The following CSMD1 variants were observed in gnomAD, a reference collection of about 807,000 sequenced individuals.
The protein encoded by CSMD1 is CUB and Sushi multiple domains 1.
In CSMD1, 213 loss-of-function variants were observed where a neutral mutation model predicts 417.5. The ratio of observed to expected loss-of-function variants is 0.51; its 90% CI spans 0.46 to 0.57. CSMD1 has a LOEUF of 0.57. CSMD1 is among the 20% of genes least tolerant of loss of function. The probability of loss-of-function intolerance (pLI) is 0.00; values close to 1 mark genes in which losing one functional copy is unlikely to be tolerated. For missense variants in CSMD1, 6,923 were observed against 4,529.7 expected, an observed-to-expected ratio of 1.53 and a Z score of -15.17; for synonymous variants, 2,862 against 1,736.8, an observed-to-expected ratio of 1.65 and a Z score of -16.11.
At chr8:4,021,779 T>G (rs1585147921) in intron 4 of CSMD1, among the ~76,000 whole-genome samples, 1 of 152,066 alleles carries the variant, frequency 6.6e-6, no homozygotes, top group Non-Finnish European at 1.5e-5. Context: ...GAGTGACAAA[T>G]GAAGAAGCCA....
intron 2 of CSMD1, among the ~76,000 whole-genome samples, chr8:4,467,941 TAACA>T (rs1198800407): frequency 6.6e-6 from 1 of 152,130 alleles, no homozygotes; most frequent in Admixed American, 6.5e-5. Context: ...ATTCCTGAAC[TAACA>T]AAGTAATATG....
At chr8:3,615,915 C>G (rs1180824100) in intron 8 of CSMD1, among the ~76,000 whole-genome samples, 2 of 152,056 alleles carry the variant, frequency 1.3e-5, no homozygotes, top group Non-Finnish European at 2.9e-5. Flanking sequence ...GTGCAAAAAT[C>G]TAAAGTAATA....
At chr8:3,371,021 C>G (rs1198029163) in intron 18 of CSMD1, among the ~76,000 whole-genome samples, 1 of 151,990 alleles carries the variant, frequency 6.6e-6, no homozygotes, top group Non-Finnish European at 1.5e-5. Flanking sequence ...TTTTCTTGAG[C>G]TGGGACATCC....
At chr8:3,830,908 C>T (rs946460767) in intron 5 of CSMD1, among the ~76,000 whole-genome samples, 1 of 152,068 alleles carries the variant, frequency 6.6e-6, no homozygotes, top group Non-Finnish European at 1.5e-5. Flanking sequence ...ATCTATATTT[C>T]CTTCCTCTCA....
intron 51 of CSMD1, among the ~76,000 whole-genome samples, chr8:3,028,241 C>A (rs1425744413): frequency 6.6e-6 from 1 of 152,200 alleles, no homozygotes; most frequent in Non-Finnish European, 1.5e-5. Context: ...GAGTTCCTGA[C>A]TCCTTCTCCT....
chr8:4,991,483 A>G lies in CSMD1; in HGVS notation c.85+2849T>C, dbSNP rs145971153. ...AGCCTCACGACTCCGCAAACAGGTC[A>G]CGAATTATGCCCCACGCATCAAAAA... On this transcript the variant is annotated intron_variant, in intron 1 of 69. Transcript: ENST00000635120. 5.5e-3 allele frequency among the ~76,000 whole-genome samples: 840 copies of G among 152,308 alleles called. 3 individuals are homozygous for G. The highest frequency in any genetic ancestry group is 0.038 in the Middle Eastern group (11 of 292).
At chr8:4,569,039 T>G (rs1414744558) in intron 2 of CSMD1, among the ~76,000 whole-genome samples, 1 of 152,164 alleles carries the variant, frequency 6.6e-6, no homozygotes, top group Non-Finnish European at 1.5e-5. Flanking sequence ...ATGGATAGAT[T>G]GACAAAATTT....
chr8:4,706,127 T>C (rs1807924946), intron 1 of CSMD1, among the ~76,000 whole-genome samples: 2 of 150,560 alleles, frequency 1.3e-5, no homozygotes, highest in Non-Finnish European at 3.0e-5. Context: ...GTCCTATATA[T>C]TACATATTTT....
chr8:3,437,932 G>C (rs77217888), intron 12 of CSMD1, among the ~76,000 whole-genome samples: 1 of 151,754 alleles, frequency 6.6e-6, no homozygotes, highest in African/African-American at 2.4e-5. Flanking sequence ...GTAGAGACAG[G>C]GTTTCATCAT....
intron 3 of CSMD1, among the ~76,000 whole-genome samples, chr8:4,099,499 T>A (rs57423877): frequency 6.6e-6 from 1 of 151,934 alleles, no homozygotes; most frequent in Non-Finnish European, 1.5e-5. Context: ...CAGCCTTCAA[T>A]GCTGTTCACT....
At chr8:4,712,397 G>C (rs1808364245) in intron 1 of CSMD1, among the ~76,000 whole-genome samples, 3 of 152,136 alleles carry the variant, frequency 2.0e-5, no homozygotes, top group South Asian at 4.1e-4. Context: ...TAATCTGTAG[G>C]TCAAAAATAA....
At chr8:4,147,148 T>G (rs1312013667) in intron 3 of CSMD1, among the ~76,000 whole-genome samples, 1 of 151,896 alleles carries the variant, frequency 6.6e-6, no homozygotes, top group African/African-American at 2.4e-5. Flanking sequence ...CTCACATGAT[T>G]CTTCTTCTAC....
intron 5 of CSMD1, among the ~76,000 whole-genome samples, chr8:3,810,727 G>A (rs767358357): frequency 6.6e-6 from 1 of 152,144 alleles, no homozygotes; most frequent in African/African-American, 2.4e-5. Context: ...AATTTGTTAT[G>A]AAAAAGCCTT....
At chr8:3,728,120 G>A (rs776437484) in intron 6 of CSMD1, among the ~76,000 whole-genome samples, 7 of 152,166 alleles carry the variant, frequency 4.6e-5, no homozygotes, top group Non-Finnish European at 7.3e-5. Context: ...TAATTCCCAC[G>A]TGCGATGGGA....
Position 3,702,613 on chromosome 8 carries a change from C to G in CSMD1, c.1009+5801G>C, listed in dbSNP as rs544731550. Among the ~76,000 whole-genome samples the G allele has an allele frequency of 2.0e-5, 3 of 152,272 alleles. No individual in the cohort carries two copies. The South Asian group carries it at 6.2e-4, about 32-fold the overall frequency. ...TGGGAGGCCGAGGCAGGCAGATCGC[C>G]TGAGGTCAGGAATTCAAGATCAGCT... is the stretch of plus-strand genomic sequence containing the variant. On this transcript the variant is annotated intron_variant, in intron 7 of 69. Transcript: ENST00000635120.
At chr8:3,585,854 C>G (rs191887739) in intron 9 of CSMD1, among the ~76,000 whole-genome samples, 24 of 152,276 alleles carry the variant, frequency 1.6e-4, no homozygotes, top group African/African-American at 5.3e-4. Context: ...CACATGCACA[C>G]TGTTTGTGTG....
intron 1 of CSMD1, among the ~76,000 whole-genome samples, chr8:4,730,802 T>G (rs535650340): frequency 1.3e-5 from 2 of 151,982 alleles, no homozygotes; most frequent in Non-Finnish European, 2.9e-5. Context: ...GACGGAGAAG[T>G]TGCTGATTTT....
chr8:3,477,500 G>T (rs1310413092), intron 11 of CSMD1, among the ~76,000 whole-genome samples: 14 of 152,202 alleles, frequency 9.2e-5, no homozygotes, highest in Non-Finnish European at 2.9e-5. Flanking sequence ...GATTAATAAG[G>T]ATAAGTAAAG....
intron 5 of CSMD1, among the ~76,000 whole-genome samples, chr8:3,996,739 G>C (rs1021951602): frequency 1.3e-5 from 2 of 152,220 alleles, no homozygotes; most frequent in African/African-American, 2.4e-5. Flanking sequence ...AATTTGTTTG[G>C]TTTCTTCCTC....
Sources: gnomAD v4.1 joint callset for allele counts (sites outside exome capture counted in the v4.1 genomes callset) on GRCh38, gnomAD v4.1.1 for gene constraint, MANE v1.5 for transcripts, NCBI Gene and HGNC (gene_info 2026-07-23, HGNC 2026-07-21) for gene names.